The following NALCN variants were observed in gnomAD, a reference collection of about 807,000 sequenced individuals.
NALCN encodes sodium leak channel, non-selective, also known as sodium leak channel NALCN.
A neutral mutation model predicts 225.3 loss-of-function variants in NALCN; 111 were observed. The ratio of observed to expected loss-of-function variants is 0.49; its 90% CI spans 0.42 to 0.58. NALCN has a LOEUF of 0.58. Among genes scored for constraint, NALCN ranks in the 20% least tolerant of loss-of-function variants. NALCN has a pLI of 0.00. For synonymous variants in NALCN, 764 were observed against 769.0 expected, an observed-to-expected ratio of 0.99 and a Z score of 0.11; for missense variants, 1,378 against 2,202.4, an observed-to-expected ratio of 0.63 and a Z score of 7.49.
chr13:101,373,669 G>A (rs1414395259), intron 6 of NALCN, among the ~76,000 whole-genome samples: 4 of 152,138 alleles, frequency 2.6e-5, no homozygotes, highest in Admixed American at 6.5e-5. Flanking sequence ...CGGAAATACT[G>A]AGAGCTTCTC....
At chr13:101,161,942 G>A (rs2038205637) in intron 15 of NALCN, among the ~76,000 whole-genome samples, 1 of 152,136 alleles carries the variant, frequency 6.6e-6, no homozygotes, top group Admixed American at 6.5e-5. Context: ...CATGGTTCAT[G>A]CCCTGCTGAC....
intron 3 of NALCN, among the ~76,000 whole-genome samples, chr13:101,382,584 T>G (rs905232662): frequency 6.6e-6 from 1 of 152,152 alleles, no homozygotes; most frequent in Non-Finnish European, 1.5e-5. Flanking sequence ...CTAAGGAAAT[T>G]AATGTTGTAA....
At chr13:101,126,742 C>T in intron 17 of NALCN, among the ~76,000 whole-genome samples, 1 of 152,132 alleles carries the variant, frequency 6.6e-6, no homozygotes, top group East Asian at 1.9e-4. Context: ...CCACCTGCCT[C>T]AGCCTCCCAA....
chr13:101,222,373 TA>T, intron 13 of NALCN, among the ~76,000 whole-genome samples: 1 of 152,238 alleles, frequency 6.6e-6, no homozygotes, highest in Middle Eastern at 3.4e-3. Flanking sequence ...TCTCTCTTCA[TA>T]GATGCTCCCC....
In NALCN at chr13:101,055,385, C is replaced by A. The variant is rs111638537; in HGVS notation, c.5127G>T (p.Ala1709=). 1.2e-6 allele frequency: 2 copies of A among 1,614,128 alleles called. No individual in the cohort carries two copies. The highest frequency in any genetic ancestry group is 2.7e-5 in the African/African-American group (2 of 75,038). The stretch of plus-strand genomic sequence containing the variant: ...TCTTAACTTCAGAACCGCAGGAAGC[C>A]GCGTCAGTCATGGGGTTCATTTTGC... ...VVCKMNPMTD[A]ASCGSEVKKW... The change falls in exon 44 of 44, where the codon GCG becomes GCT. Residue 1709 remains alanine (A), a synonymous_variant. Transcript: ENST00000251127.
At chr13:101,068,465 T>C (rs966604857) in intron 38 of NALCN, among the ~76,000 whole-genome samples, 5 of 152,208 alleles carry the variant, frequency 3.3e-5, no homozygotes, top group African/African-American at 1.2e-4. Context: ...AGAAGAGCCC[T>C]TTTGAAATTA....
At chr13:101,250,912 G>T (rs1296839622) in intron 11 of NALCN, among the ~76,000 whole-genome samples, 4 of 151,780 alleles carry the variant, frequency 2.6e-5, no homozygotes, top group African/African-American at 7.3e-5. Flanking sequence ...CGAAAAAAAG[G>T]TCAAATCTCT....
At chr13:101,244,872 A>G (rs16958709) in intron 11 of NALCN, among the ~76,000 whole-genome samples, 5,468 of 152,328 alleles carry the variant, frequency 0.036, 323 homozygotes, top group African/African-American at 0.12. Context: ...CTCAATGTGC[A>G]GCTCCAGATT....
chr13:101,243,385 G>GACAACA lies in NALCN; in HGVS notation c.1267-5469_1267-5464dup, dbSNP rs370012921. Among the ~76,000 whole-genome samples, 3 of 102,550 alleles carry GACAACA rather than the reference G, an allele frequency of 2.9e-5. 1 individual carries two copies. The highest frequency in any genetic ancestry group is 6.5e-5 in the Non-Finnish European group (3 of 46,352). The allele number at this position is 102,550 out of a possible 152,430, so 67.3% of individuals were successfully genotyped here. The stretch of plus-strand genomic sequence containing the variant: ...TTGTGCCCTGCTTACTTTTTCTTGA[G>GACAACA]ACAACAACAACAACAACAACAACGG... On this transcript the variant is annotated intron_variant, in intron 11 of 43. Coordinates refer to ENST00000251127, the MANE Select transcript of NALCN (RefSeq NM_052867.4).
intron 7 of NALCN, among the ~76,000 whole-genome samples, chr13:101,336,586 C>A (rs2045384485): frequency 6.6e-6 from 1 of 152,140 alleles, no homozygotes; most frequent in Non-Finnish European, 1.5e-5. Context: ...ATGTTAACTC[C>A]TGTGGAGCTG....
At chr13:101,116,883 GAATA>G (rs765213641) in intron 18 of NALCN, 2 of 483,800 alleles carry the variant, frequency 4.1e-6, no homozygotes, top group Admixed American at 4.3e-5. Flanking sequence ...ATAACTAAGA[GAATA>G]GATAATGAGT....
chr13:101,129,502 G>GT (rs1313950151), intron 17 of NALCN, among the ~76,000 whole-genome samples: 8 of 152,142 alleles, frequency 5.3e-5, no homozygotes, highest in African/African-American at 1.9e-4. Flanking sequence ...TTCCTAGTAT[G>GT]ACAAGATGCT....
intron 13 of NALCN, among the ~76,000 whole-genome samples, chr13:101,199,773 T>G (rs1476079614): frequency 6.6e-6 from 1 of 152,146 alleles, no homozygotes; most frequent in African/African-American, 2.4e-5. Context: ...GTTGTGCACA[T>G]GTACCCTAGA....
intron 1 of NALCN, among the ~76,000 whole-genome samples, chr13:101,405,308 G>A (rs2047586210): frequency 6.6e-6 from 1 of 152,176 alleles, no homozygotes; most frequent in African/African-American, 2.4e-5. Flanking sequence ...CAGAGCAAAT[G>A]AATGTAGCAT....
intron 2 of NALCN, among the ~76,000 whole-genome samples, chr13:101,395,817 G>T (rs1306823251): frequency 6.6e-6 from 1 of 151,618 alleles, no homozygotes; most frequent in Admixed American, 6.6e-5. Flanking sequence ...TAGAATTAGG[G>T]GCATACTATA....
chr13:101,282,764 G>A (rs1258155235), intron 10 of NALCN, among the ~76,000 whole-genome samples: 1 of 152,038 alleles, frequency 6.6e-6, no homozygotes, highest in Non-Finnish European at 1.5e-5. Context: ...TCATCACATT[G>A]TATACCTTAA....
At position 101,089,995 on chromosome 13, in the gene NALCN, G is replaced by A; in HGVS notation, c.3270-29C>T. ...CGATTCCAATACAGGAATGTTCTGT[G>A]AAATTCCAATAAGCAGCACCCGAAG... is the stretch of plus-strand genomic sequence containing the variant. On this transcript the variant is annotated intron_variant, in intron 28 of 43. Coordinates refer to ENST00000251127, the MANE Select transcript of NALCN (RefSeq NM_052867.4). This position sits in a 1 kb window ranked among gnomAD's most constrained non-coding sequence, Gnocchi z 4.7. 2.5e-6 allele frequency: 4 copies of A among 1,613,152 alleles called. No homozygotes were observed. Among genetic ancestry groups the A allele is most frequent in the Non-Finnish European group, 3.4e-6 (4 of 1,179,434 alleles).
intron 9 of NALCN, among the ~76,000 whole-genome samples, chr13:101,284,674 G>A (rs981482227): frequency 3.9e-5 from 6 of 152,112 alleles, no homozygotes; most frequent in Admixed American, 3.3e-4. Context: ...TTTTATGTAC[G>A]TATTATGAAG....
intron 30 of NALCN, among the ~76,000 whole-genome samples, chr13:101,084,903 C>T (rs946097180): frequency 2.0e-5 from 3 of 152,122 alleles, no homozygotes; most frequent in African/African-American, 7.2e-5. Context: ...AGAGCAAAAA[C>T]CAAAACAAAT....
Sources: allele counts gnomAD v4.1 joint callset (sites outside exome capture counted in the v4.1 genomes callset), GRCh38; gene constraint gnomAD v4.1.1; non-coding constraint Gnocchi (gnomAD v3.1); transcripts MANE v1.5; gene names NCBI Gene and HGNC (gene_info 2026-07-23, HGNC 2026-07-21).